CNTNAP3: variants seen among roughly 807,000 people sequenced by gnomAD.
CNTNAP3 encodes contactin associated protein family member 3.
CNTNAP3 carries 36 observed loss-of-function variants against 92.1 expected under a neutral mutation model. The ratio of observed to expected loss-of-function variants is 0.39; its 90% CI spans 0.30 to 0.52. The LOEUF (loss-of-function observed/expected upper bound fraction) is 0.52. Ranked by LOEUF, CNTNAP3 falls within the 20% of genes least tolerant of loss-of-function variation. CNTNAP3 has a pLI of 0.76. For synonymous variants in CNTNAP3, 232 were observed against 422.3 expected (o/e 0.55, Z 5.53); for missense variants, 534 against 1,069.6 (o/e 0.50, Z 6.98).
intron 13 of CNTNAP3, among the ~76,000 whole-genome samples, chr9:39,119,551 A>T (rs922053966): frequency 1.3e-5 from 2 of 152,188 alleles, no homozygotes; most frequent in African/African-American, 2.4e-5. Flanking sequence ...CAAAACACTC[A>T]CTATATCCTA....
chr9:39,146,683 C>T (rs142502127), intron 10 of CNTNAP3, among the ~76,000 whole-genome samples: 5,845 of 151,172 alleles, frequency 0.039, 158 homozygotes, highest in Non-Finnish European at 0.061. Context: ...AGCGAGACTC[C>T]GTCTCAAAAA....
intron 15 of CNTNAP3, among the ~76,000 whole-genome samples, chr9:39,104,172 G>A (rs1395458403): frequency 6.6e-6 from 1 of 151,994 alleles, no homozygotes; most frequent in Admixed American, 6.6e-5. Flanking sequence ...TCAGGGGATC[G>A]CGCAGCAACA....
rs1198106886 is a variant in CNTNAP3 at position 39,068,243 on chromosome 9, CAAAA to C, written c.*5643_*5646del. 0.02 allele frequency among the ~76,000 whole-genome samples: 2,625 copies of C among 129,290 alleles called. No individual in the cohort carries two copies. The highest frequency in any genetic ancestry group is 0.028 in the South Asian group (114 of 4,062). The allele number at this position is 129,290 out of a possible 152,430, so 84.8% of individuals were successfully genotyped here. A position where few individuals can be genotyped will look rare whatever the true frequency, so the allele number is the denominator to read the frequency against. ...TGAAACCTTGCCTCCACTAAAAATA[CAAAA>C]AAAAAAAAAAAAAAAAAAATTAGCT... is the stretch of plus-strand genomic sequence containing the variant. On this transcript the variant is annotated 3_prime_UTR_variant, in exon 24 of 24. Transcript: ENST00000297668.
chr9:39,101,817 G>T (rs1164606811), intron 17 of CNTNAP3, among the ~76,000 whole-genome samples: 1 of 152,152 alleles, frequency 6.6e-6, no homozygotes, highest in African/African-American at 2.4e-5. Context: ...CTCACTAATA[G>T]TGTTGATAAA....
chr9:39,102,337 A>G (rs1314091829), intron 17 of CNTNAP3, among the ~76,000 whole-genome samples, 160 bp downstream of exon 17: 1 of 152,308 alleles, frequency 6.6e-6, no homozygotes, highest in Non-Finnish European at 1.5e-5. Context: ...AATAAGAAGC[A>G]CACAGCAAGC....
At position 39,120,157 on chromosome 9, in the gene CNTNAP3, T is replaced by C. The variant is rs1258450609; in HGVS notation, c.2081-1898A>G. ...ATATCGACACCAAGATCCATCATAA[T>C]TGAACTTTTTGGAAACAAAACAAAA... On this transcript the variant is annotated intron_variant, in intron 13 of 23. Coordinates refer to ENST00000297668, the MANE Select transcript of CNTNAP3 (RefSeq NM_033655.5). Among the ~76,000 whole-genome samples the C allele has an allele frequency of 4.6e-5, 7 of 152,228 alleles. No individual in the cohort carries two copies. The East Asian group carries it at 1.2e-3, about 25-fold the overall frequency.
rs778792900 is a variant in CNTNAP3 at position 39,140,610 on chromosome 9, G to A, written c.1785C>T (p.His595=). Residue 595 remains histidine (H), a synonymous_variant, in exon 12 of 24, where the codon CAC becomes CAT. Transcript: ENST00000297668. Reference sequence around the variant, plus strand: ...GCCCAGACGGGTTCCCTCGGTGCTTGTGGGCTTCACAAGACTGCTCGTAGA... The same window carrying A: ...GCCCAGACGGGTTCCCTCGGTGCTTATGGGCTTCACAAGACTGCTCGTAGA... ...SSLYEQSCEA[H]KHRGNPSGLY... is the part of the protein sequence containing the mutation. 1.5e-5 allele frequency: 24 copies of A among 1,613,178 alleles called. No homozygotes were observed. The highest frequency in any genetic ancestry group is 1.9e-5 in the Non-Finnish European group (23 of 1,179,598).
chr9:39,146,846 T>A (rs973322776), intron 10 of CNTNAP3, among the ~76,000 whole-genome samples: 2 of 152,142 alleles, frequency 1.3e-5, no homozygotes, highest in African/African-American at 4.8e-5. Flanking sequence ...CTAAGTAGGA[T>A]TTTTAGGTCT....
rs948150150 is a variant in CNTNAP3, at chr9:39,071,953, T to A, written c.*1937A>T. Among the ~76,000 whole-genome samples, 1 of 112,158 alleles carries A rather than the reference T, an allele frequency of 8.9e-6. No individual in the cohort carries two copies. The highest frequency in any genetic ancestry group is 1.7e-5 in the Non-Finnish European group (1 of 57,842). The allele number at this position is 112,158 out of a possible 152,430, so 73.6% of individuals were successfully genotyped here. ...TGCATAAATTTTAAAAAGCATATAATTCTGTAATTTTAATTTTATAGAGCT... is the reference window on the plus strand; with the variant it reads ...TGCATAAATTTTAAAAAGCATATAAATCTGTAATTTTAATTTTATAGAGCT... On this transcript the variant is annotated 3_prime_UTR_variant, in exon 24 of 24. Coordinates refer to ENST00000297668, the MANE Select transcript of CNTNAP3 (RefSeq NM_033655.5).
chr9:39,134,864 A>G (rs1318290522), intron 12 of CNTNAP3, among the ~76,000 whole-genome samples: 1 of 152,246 alleles, frequency 6.6e-6, no homozygotes, highest in Non-Finnish European at 1.5e-5. Flanking sequence ...GATCAACCAC[A>G]TGCCATTTTT....
At chr9:39,132,182 T>G (rs1220849055) in intron 13 of CNTNAP3, among the ~76,000 whole-genome samples, 1 of 152,072 alleles carries the variant, frequency 6.6e-6, no homozygotes, top group Non-Finnish European at 1.5e-5. Flanking sequence ...AAGGCAAATT[T>G]CAGTATTTAA....
chr9:39,162,845 G>A (rs1274436116), intron 9 of CNTNAP3, among the ~76,000 whole-genome samples: 2 of 146,198 alleles, frequency 1.4e-5, no homozygotes, highest in African/African-American at 5.3e-5. Flanking sequence ...GGTGAAGATC[G>A]AAAAACTACC....
In CNTNAP3 at chr9:39,068,670, A is replaced by G. The variant is rs1178132213; in HGVS notation, c.*5220T>C. Reference sequence around the variant, plus strand: ...GCAGCTCTTTCCTCGCCGGTACTCTATCCTGCAATCTCTAGCCACCTTCGT... The same window carrying G: ...GCAGCTCTTTCCTCGCCGGTACTCTGTCCTGCAATCTCTAGCCACCTTCGT... On this transcript the variant is annotated 3_prime_UTR_variant, in exon 24 of 24. Coordinates refer to ENST00000297668, the MANE Select transcript of CNTNAP3 (RefSeq NM_033655.5). Among the ~76,000 whole-genome samples the G allele has an allele frequency of 6.6e-6, 1 of 152,304 alleles. No individual in the cohort carries two copies. Among genetic ancestry groups the G allele is most frequent in the Non-Finnish European group, 1.5e-5 (1 of 68,056 alleles).
rs1326813813 is a variant in CNTNAP3, at chr9:39,272,782, T to C, written c.86-5776A>G. Among the ~76,000 whole-genome samples the C allele has an allele frequency of 1.6e-4, 5 of 31,922 alleles. 1 individual carries two copies. Among genetic ancestry groups the C allele is most frequent in the African/African-American group, 3.0e-4 (5 of 16,622 alleles). 20.9% of individuals were successfully genotyped at this position (31,922 alleles called of 152,430 possible). A position where few individuals can be genotyped will look rare whatever the true frequency, so the allele number is the denominator to read the frequency against. ...AGAAAAAATGAATAACACCCAGTAT[T>C]TGATAACACAAGAGGTGACTATAGT... On this transcript the variant is annotated intron_variant, in intron 1 of 23. Coordinates refer to ENST00000297668, the MANE Select transcript of CNTNAP3 (RefSeq NM_033655.5).
rs750444929 is a variant in CNTNAP3 at position 39,109,300 on chromosome 9, A to C, written c.2238-13T>G. The stretch of plus-strand genomic sequence containing the variant: ...TGTGTCACTAGTCCTAAAGAACAAC[A>C]ACCGAAACCATTAAAATTATTCTGA... On this transcript the variant is annotated splice_polypyrimidine_tract_variant and intron_variant, in intron 14 of 23. Transcript: ENST00000297668. 1.7e-5 allele frequency: 27 copies of C among 1,610,928 alleles called. No homozygotes were observed. The highest frequency in any genetic ancestry group is 2.2e-5 in the East Asian group (1 of 44,858).
chr9:39,116,543 C>T (rs1271243936), intron 14 of CNTNAP3, among the ~76,000 whole-genome samples: 4 of 152,208 alleles, frequency 2.6e-5, no homozygotes, highest in Non-Finnish European at 5.9e-5. Context: ...TGGGAAATTA[C>T]TTCAGACCTG....
chr9:39,103,628 A>G lies in CNTNAP3; in HGVS notation c.2536+116T>C, dbSNP rs538442979. The G allele has an allele frequency of 6.9e-5, 86 of 1,248,796 alleles. 1 individual carries two copies. Among genetic ancestry groups the G allele is most frequent in the Admixed American group, 1.5e-4 (5 of 33,080 alleles). 77.4% of individuals were successfully genotyped at this position (1,248,796 alleles called of 1,614,324 possible). A position where few individuals can be genotyped will look rare whatever the true frequency, so the allele number is the denominator to read the frequency against. Reference sequence around the variant, plus strand: ...TTACCTAAAATCATAGAAGTTTAGTATTTTATAATGAAATAGAATCACAAA... The same window carrying G: ...TTACCTAAAATCATAGAAGTTTAGTGTTTTATAATGAAATAGAATCACAAA... On this transcript the variant is annotated intron_variant, in intron 16 of 23. Coordinates refer to ENST00000297668, the MANE Select transcript of CNTNAP3 (RefSeq NM_033655.5).
At chr9:39,152,514 A>G (rs956567919) in intron 9 of CNTNAP3, among the ~76,000 whole-genome samples, 1 of 147,362 alleles carries the variant, frequency 6.8e-6, no homozygotes, top group African/African-American at 2.6e-5. Flanking sequence ...GCATCTCACT[A>G]ATCATTAAGA....
At chr9:39,094,166 A>G (rs1201495459) in intron 18 of CNTNAP3, among the ~76,000 whole-genome samples, 2 of 151,520 alleles carry the variant, frequency 1.3e-5, no homozygotes, top group East Asian at 3.9e-4. Context: ...TTGACTCTGT[A>G]TATCTTTTTG....
Sources: allele counts gnomAD v4.1 joint callset (sites outside exome capture counted in the v4.1 genomes callset), GRCh38; gene constraint gnomAD v4.1.1; transcripts MANE v1.5; gene names NCBI Gene and HGNC (gene_info 2026-07-23, HGNC 2026-07-21).